MCTP2: variants seen among roughly 807,000 people sequenced by gnomAD.
The protein encoded by MCTP2 is multiple C2 and transmembrane domain containing 2.
In MCTP2, 132 loss-of-function variants were observed where a neutral mutation model predicts 111.6. The ratio of observed to expected loss-of-function variants is 1.18; its 90% CI spans 1.03 to 1.37. The LOEUF is 1.37. Among genes scored for constraint, MCTP2 ranks in the 40% most tolerant of loss-of-function variants. MCTP2 has a pLI of 0.00. For missense variants in MCTP2, 1,183 were observed against 1,067.9 expected (o/e 1.11, Z -1.50); for synonymous variants, 395 against 387.7 (o/e 1.02, Z -0.22).
chr15:94,323,989 A>C (rs1157862918), intron 4 of MCTP2, among the ~76,000 whole-genome samples: 1 of 152,154 alleles, frequency 6.6e-6, no homozygotes, highest in African/African-American at 2.4e-5. Flanking sequence ...TAGGACTTAC[A>C]CTTGTTTTAA....
chr15:94,328,430 T>C (rs1403793139), intron 4 of MCTP2, among the ~76,000 whole-genome samples: 2 of 152,170 alleles, frequency 1.3e-5, no homozygotes, highest in Non-Finnish European at 2.9e-5. Context: ...GCCCGGCCTA[T>C]CAAGTGTTTA....
chr15:94,438,518 T>C (rs1359397459), intron 17 of MCTP2, among the ~76,000 whole-genome samples: 1 of 152,092 alleles, frequency 6.6e-6, no homozygotes, highest in Non-Finnish European at 1.5e-5. Flanking sequence ...CTCCCAGAAA[T>C]ACAAGATTGC....
At chr15:94,271,911 C>A (rs2073925044) in intron 1 of MCTP2, among the ~76,000 whole-genome samples, 1 of 152,212 alleles carries the variant, frequency 6.6e-6, no homozygotes, top group Admixed American at 6.5e-5. Flanking sequence ...AAAATAACTT[C>A]TTTACCTAAG....
At chr15:94,265,413 A>G (rs2073461654) in intron 1 of MCTP2, among the ~76,000 whole-genome samples, 1 of 152,192 alleles carries the variant, frequency 6.6e-6, no homozygotes, top group South Asian at 2.1e-4. Flanking sequence ...CTTAAAGCCA[A>G]GGTCTCCATG....
chr15:94,296,075 G>A (rs1213647578), intron 1 of MCTP2, among the ~76,000 whole-genome samples: 3 of 152,040 alleles, frequency 2.0e-5, no homozygotes, highest in South Asian at 4.1e-4. Flanking sequence ...CTGTCACATT[G>A]TGGGTCCTCT....
At chr15:94,237,058 A>G (rs1220237729) in intron 1 of MCTP2, among the ~76,000 whole-genome samples, 3 of 152,184 alleles carry the variant, frequency 2.0e-5, no homozygotes, top group Non-Finnish European at 4.4e-5. Context: ...GCCTCTTTTC[A>G]GAGAATTATG....
chr15:94,454,177 A>T (rs2084650841), intron 19 of MCTP2, among the ~76,000 whole-genome samples: 1 of 152,232 alleles, frequency 6.6e-6, no homozygotes, highest in Non-Finnish European at 1.5e-5. Flanking sequence ...TTCTAACATC[A>T]GCAATGCCAC....
chr15:94,432,665 A>C (rs969260061), intron 17 of MCTP2, among the ~76,000 whole-genome samples: 1 of 152,196 alleles, frequency 6.6e-6, no homozygotes, highest in Non-Finnish European at 1.5e-5. Flanking sequence ...GACAGTGTGT[A>C]AGCCATAAGA....
chr15:94,232,795 G>A (rs1013079857), intron 1 of MCTP2, among the ~76,000 whole-genome samples: 1 of 152,208 alleles, frequency 6.6e-6, no homozygotes, highest in Non-Finnish European at 1.5e-5. Flanking sequence ...AATCTTTGAA[G>A]AGTCTCTGTC....
intron 10 of MCTP2, among the ~76,000 whole-genome samples, chr15:94,361,057 T>G (rs1220491215): frequency 2.0e-5 from 3 of 148,716 alleles, no homozygotes; most frequent in Non-Finnish European, 3.0e-5. Context: ...TGGTTCCTTC[T>G]TCCTGGCTAT....
chr15:94,365,834 G>T lies in MCTP2; in HGVS notation c.1302-1771G>T, dbSNP rs575576771. 2.6e-5 allele frequency among the ~76,000 whole-genome samples: 4 copies of T among 152,252 alleles called. No individual in the cohort carries two copies. The East Asian group carries it at 7.7e-4, about 29-fold the overall frequency. ...TTGCCATTATTAATGGTATTAAAAA[G>T]AATGTGCCATCAATAGGCTATTGTT... On this transcript the variant is annotated intron_variant, in intron 10 of 22. Transcript: ENST00000357742.
intron 14 of MCTP2, among the ~76,000 whole-genome samples, chr15:94,398,622 G>T (rs942646442): frequency 1.3e-5 from 2 of 151,852 alleles, no homozygotes; most frequent in Non-Finnish European, 2.9e-5. Flanking sequence ...CCTTTTTCCC[G>T]TGACCTTTAC....
chr15:94,311,804 CAT>C (rs1259035628), intron 2 of MCTP2, among the ~76,000 whole-genome samples: 3 of 152,154 alleles, frequency 2.0e-5, no homozygotes, highest in African/African-American at 7.2e-5. Context: ...TTTTTGATAA[CAT>C]GTAAATGATG....
chr15:94,328,723 T>G (rs531331529), intron 4 of MCTP2, among the ~76,000 whole-genome samples: 1 of 152,320 alleles, frequency 6.6e-6, no homozygotes, highest in Admixed American at 6.5e-5. Context: ...GCCTTGAATC[T>G]CAGTAGCAAC....
At chr15:94,281,268 G>A (rs1419987059) in intron 1 of MCTP2, among the ~76,000 whole-genome samples, 2 of 152,058 alleles carry the variant, frequency 1.3e-5, no homozygotes, top group Admixed American at 6.6e-5. Flanking sequence ...TATAAATTTA[G>A]GATAGTTGAT....
chr15:94,285,242 T>C (rs1420910553), intron 1 of MCTP2, among the ~76,000 whole-genome samples: 1 of 152,204 alleles, frequency 6.6e-6, no homozygotes, highest in Non-Finnish European at 1.5e-5. Context: ...CCAGGGAAGT[T>C]CCTTAGGGAG....
chr15:94,466,126 T>G (rs2073262756), intron 20 of MCTP2, among the ~76,000 whole-genome samples: 1 of 152,208 alleles, frequency 6.6e-6, no homozygotes, highest in South Asian at 2.1e-4. Flanking sequence ...TTTTTCATTT[T>G]CTTTTGGATT....
intron 1 of MCTP2, among the ~76,000 whole-genome samples, chr15:94,290,382 C>T (rs149700082): frequency 1.4e-3 from 207 of 152,118 alleles, no homozygotes; most frequent in African/African-American, 4.6e-3. Flanking sequence ...CTATACATAC[C>T]GTAACCCCTA....
chr15:94,285,849 C>T, intron 1 of MCTP2, among the ~76,000 whole-genome samples: 1 of 152,186 alleles, frequency 6.6e-6, no homozygotes, highest in Non-Finnish European at 1.5e-5. Flanking sequence ...AAGATAGGAT[C>T]TTACTTCTCT....
Sources: gnomAD v4.1 joint callset for allele counts (sites outside exome capture counted in the v4.1 genomes callset) on GRCh38, gnomAD v4.1.1 for gene constraint, MANE v1.5 for transcripts, NCBI Gene and HGNC (gene_info 2026-07-23, HGNC 2026-07-21) for gene names.